Variants in GRHL1 observed in about 807,000 individuals in gnomAD.
GRHL1 encodes grainyhead-like protein 1 homolog.
A neutral mutation model predicts 75.7 loss-of-function variants in GRHL1; 38 were observed. That is an observed-to-expected ratio of 0.50 (90% CI 0.39 to 0.66). The LOEUF is 0.66. Among genes scored for constraint, GRHL1 ranks in the 30% least tolerant of loss-of-function variants. GRHL1 has a pLI of 0.00. For synonymous variants in GRHL1, 266 were observed against 279.4 expected (o/e 0.95, Z 0.48); for missense variants, 589 against 767.5 (o/e 0.77, Z 2.75).
chr2:9,963,481 C>T (rs1006083033), intron 5 of GRHL1, among the ~76,000 whole-genome samples: 1 of 152,126 alleles, frequency 6.6e-6, no homozygotes, highest in African/African-American at 2.4e-5. Flanking sequence ...CTATTAAAGA[C>T]ATTTAAATTA....
chr2:9,980,995 GT>G (rs1668173458), intron 8 of GRHL1, among the ~76,000 whole-genome samples: 1 of 152,256 alleles, frequency 6.6e-6, no homozygotes, highest in Non-Finnish European at 1.5e-5. Flanking sequence ...GAACAGCCCT[GT>G]GGTCTTGCTC....
intron 12 of GRHL1, chr2:9,995,309 C>T (rs1467015566): frequency 1.3e-5 from 2 of 152,220 alleles, no homozygotes; most frequent in Non-Finnish European, 2.9e-5. Flanking sequence ...AAGCACCAGA[C>T]AGCCAGGCGT....
chr2:9,996,306 G>T lies in GRHL1; in HGVS notation c.1592-10G>T. 1 of 1,593,288 alleles carries T rather than the reference G, an allele frequency of 6.3e-7. No individual in the cohort carries two copies. Among genetic ancestry groups the T allele is most frequent in the East Asian group, 2.2e-5 (1 of 44,802 alleles). On this transcript the variant is annotated splice_polypyrimidine_tract_variant and intron_variant, in intron 13 of 15. Coordinates refer to ENST00000324907, the MANE Select transcript of GRHL1 (RefSeq NM_198182.3). ...TTTCCCTTCCTTATTCCTGGTTGGGGATTGATTAGTGCTGCTCTACGTTCG... is the reference window on the plus strand; with the variant it reads ...TTTCCCTTCCTTATTCCTGGTTGGGTATTGATTAGTGCTGCTCTACGTTCG...
intron 15 of GRHL1, among the ~76,000 whole-genome samples, chr2:9,999,973 G>A (rs1185301145): frequency 6.6e-6 from 1 of 152,186 alleles, no homozygotes; most frequent in East Asian, 1.9e-4. Context: ...GTAAGTTAGT[G>A]TTATTGATGT....
intron 2 of GRHL1, 144 bp downstream of exon 2, chr2:9,955,245 C>T (rs13401891): frequency 0.19 from 112,145 of 605,292 alleles, 11,106 homozygotes; most frequent in Middle Eastern, 0.23. Context: ...CTTTGACTTA[C>T]TGTGATTCGA....
chr2:9,969,866 G>A (rs974954551), intron 8 of GRHL1, among the ~76,000 whole-genome samples: 2 of 115,632 alleles, frequency 1.7e-5, no homozygotes, highest in African/African-American at 7.4e-5. Context: ...TTTTTGAGAT[G>A]GAGTCTCACT....
At chr2:9,955,478 C>T (rs1410568667) in intron 2 of GRHL1, among the ~76,000 whole-genome samples, 1 of 152,184 alleles carries the variant, frequency 6.6e-6, no homozygotes, top group East Asian at 1.9e-4. Flanking sequence ...GGATGATTTC[C>T]TTTCCCTAAA....
chr2:9,961,917 G>T (rs1667296314), intron 4 of GRHL1, among the ~76,000 whole-genome samples: 1 of 152,088 alleles, frequency 6.6e-6, no homozygotes, highest in African/African-American at 2.4e-5. Flanking sequence ...GGGGTTTTAT[G>T]GTGATGAATA....
At chr2:9,997,778 C>G (rs1355675547) in intron 14 of GRHL1, among the ~76,000 whole-genome samples, 21 of 151,398 alleles carry the variant, frequency 1.4e-4, no homozygotes, top group Admixed American at 1.3e-3. Context: ...AGCTGAGATC[C>G]CGCCACTGTA....
chr2:9,985,609 G>A (rs1284944182), intron 8 of GRHL1, among the ~76,000 whole-genome samples: 1 of 152,256 alleles, frequency 6.6e-6, no homozygotes, highest in Non-Finnish European at 1.5e-5. Flanking sequence ...CAAAGATTGA[G>A]AGAGAACTTT....
rs76606421 is a variant in GRHL1 at position 9,987,819 on chromosome 2, T to C, written c.1269+1537T>C. 0.026 allele frequency among the ~76,000 whole-genome samples: 4,001 copies of C among 152,244 alleles called. 175 individuals are homozygous for C. Among genetic ancestry groups the C allele is most frequent in the African/African-American group, 0.091 (3,762 of 41,522 alleles). ...CAACCGTGGATGAGTGGACATTCCA[T>C]TGAACTAAGACAGCAAGATCTTGAG... On this transcript the variant is annotated intron_variant, in intron 9 of 15. Coordinates refer to ENST00000324907, the MANE Select transcript of GRHL1 (RefSeq NM_198182.3). The surrounding 1 kb of genome is among the most constrained non-coding windows in gnomAD (Gnocchi z 4.2).
Position 9,995,860 on chromosome 2 carries a change from A to G in GRHL1, c.1500-19A>G, listed in dbSNP as rs554273584. 12 of 1,462,806 alleles carry G rather than the reference A, an allele frequency of 8.2e-6. 1 individual carries two copies. In the East Asian group the frequency reaches 9.1e-5, roughly 11 times the overall value. The allele number at this position is 1,462,806 out of a possible 1,614,324, so 90.6% of individuals were successfully genotyped here. A position where few individuals can be genotyped will look rare whatever the true frequency, so the allele number is the denominator to read the frequency against. On this transcript the variant is annotated intron_variant, in intron 12 of 15. Transcript: ENST00000324907. The stretch of plus-strand genomic sequence containing the variant: ...CTGGTTAAGTTGAATCACTAACGGC[A>G]TATTTTGGATCACTGCAGCTCTGTC...
At chr2:9,981,946 C>G (rs72784443) in intron 8 of GRHL1, among the ~76,000 whole-genome samples, 5,337 of 152,298 alleles carry the variant, frequency 0.035, 125 homozygotes, top group Admixed American at 0.055. Context: ...ATGCAAATCC[C>G]TATGAAATCA....
rs115431429 is a variant in GRHL1 at position 9,968,971 on chromosome 2, A to G, written c.1110+3590A>G. ...ATGTTTTCTTAGGAAAAATGTTTTT[A>G]TCCCACTTTAAAAATGAACTTTGGG... On this transcript the variant is annotated intron_variant, in intron 8 of 15. Coordinates refer to ENST00000324907, the MANE Select transcript of GRHL1 (RefSeq NM_198182.3). The surrounding 1 kb of genome is among the most constrained non-coding windows in gnomAD (Gnocchi z 4.7). Among the ~76,000 whole-genome samples, 1 of 152,200 alleles carries G rather than the reference A, an allele frequency of 6.6e-6. No individual in the cohort carries two copies. The highest frequency in any genetic ancestry group is 1.9e-4 in the East Asian group (1 of 5,206).
chr2:9,975,721 CAAA>C lies in GRHL1; in HGVS notation c.1110+10353_1110+10355del, dbSNP rs111809546. Among the ~76,000 whole-genome samples, 9 of 134,118 alleles carry C rather than the reference CAAA, an allele frequency of 6.7e-5. 1 individual carries two copies. Among genetic ancestry groups the C allele is most frequent in the African/African-American group, 2.2e-4 (8 of 36,344 alleles). The allele number at this position is 134,118 out of a possible 152,430, so 88.0% of individuals were successfully genotyped here. A position where few individuals can be genotyped will look rare whatever the true frequency, so the allele number is the denominator to read the frequency against. On this transcript the variant is annotated intron_variant, in intron 8 of 15. Transcript: ENST00000324907. ...GGTGAAACTCCGTCTCTAGTAAATA[CAAA>C]AAAAAAAAAAAATTATCTGAGTGTG...
At position 9,958,876 on chromosome 2, in the gene GRHL1, A is replaced by T; in HGVS notation, c.278+20A>T. 6.2e-7 allele frequency: 1 copy of T among 1,612,488 alleles called. No homozygotes were observed. Among genetic ancestry groups the T allele is most frequent in the Non-Finnish European group, 8.5e-7 (1 of 1,178,926 alleles). ...CAAAAGGTAACATTCAGTGCCTAAC[A>T]GCATAAAGAGTGCAGGGGGAAATGC... On this transcript the variant is annotated intron_variant, in intron 3 of 15. Coordinates refer to ENST00000324907, the MANE Select transcript of GRHL1 (RefSeq NM_198182.3).
rs1669098391 is a variant in GRHL1, at chr2:9,998,784, A to ATATATGTACACATATATATATACG, written c.1678-176_1678-175insGTACACATATATATATACGTATAT. ...TATATATGTACACACATATATACGTATATATATGTACACACATATATATAC... is the reference window on the plus strand; with the variant it reads ...TATATATGTACACACATATATACGTATATATGTACACATATATATATACGTATATATGTACACACATATATATAC... On this transcript the variant is annotated intron_variant, in intron 14 of 15. Coordinates refer to ENST00000324907, the MANE Select transcript of GRHL1 (RefSeq NM_198182.3). Among the ~76,000 whole-genome samples the ATATATGTACACATATATATATACG allele has an allele frequency of 1.7e-4, 6 of 36,178 alleles. No homozygotes were observed. In the East Asian group the frequency reaches 3.2e-3, roughly 20 times the overall value. 23.7% of individuals were successfully genotyped at this position (36,178 alleles called of 152,430 possible). A position where few individuals can be genotyped will look rare whatever the true frequency, so the allele number is the denominator to read the frequency against.
At chr2:9,963,639 C>A (rs2125211535) in intron 5 of GRHL1, among the ~76,000 whole-genome samples, 1 of 152,282 alleles carries the variant, frequency 6.6e-6, no homozygotes, top group South Asian at 2.1e-4. Flanking sequence ...TTCCACCTAT[C>A]AGTATCTTTA....
intron 8 of GRHL1, among the ~76,000 whole-genome samples, chr2:9,972,788 A>T (rs1030931217): frequency 1.3e-5 from 2 of 152,198 alleles, no homozygotes; most frequent in Admixed American, 1.3e-4. Flanking sequence ...ATCACTGTAT[A>T]TGCCAAGTGT....
Sources: allele counts gnomAD v4.1 joint callset (sites outside exome capture counted in the v4.1 genomes callset), GRCh38; gene constraint gnomAD v4.1.1; non-coding constraint Gnocchi (gnomAD v3.1); transcripts MANE v1.5; gene names NCBI Gene and HGNC (gene_info 2026-07-23, HGNC 2026-07-21).